The following ALDH8A1 variants were observed in gnomAD, a reference collection of about 807,000 sequenced individuals.
ALDH8A1 encodes aldehyde dehydrogenase 8 family member A1, also known as 2-aminomuconic semialdehyde dehydrogenase.
Under a neutral mutation model 43.3 loss-of-function variants are expected in ALDH8A1, and 39 were observed. The observed-to-expected ratio is 0.90, with a 90% confidence interval of 0.70 to 1.18. The LOEUF (loss-of-function observed/expected upper bound fraction) is 1.18, where lower values mean the gene tolerates loss of function less well. Ranked by LOEUF, ALDH8A1 falls within the 50% of genes most tolerant of loss-of-function variation. ALDH8A1 has a pLI of 0.00. For missense variants in ALDH8A1, 605 were observed against 622.6 expected (o/e 0.97, Z 0.30); for synonymous variants, 233 against 243.5 (o/e 0.96, Z 0.40).
chr6:134,949,680 A>C (rs1375919296), intron 1 of ALDH8A1, among the ~76,000 whole-genome samples: 1 of 152,204 alleles, frequency 6.6e-6, no homozygotes, highest in East Asian at 1.9e-4. Flanking sequence ...AACTGCACAC[A>C]GGGCTGTGTT....
intron 6 of ALDH8A1, among the ~76,000 whole-genome samples, chr6:134,925,766 C>T (rs1348182595): frequency 6.6e-6 from 1 of 152,202 alleles, no homozygotes; most frequent in African/African-American, 2.4e-5. Context: ...AAAAATAAAG[C>T]TCCAAAGAAG....
intron 3 of ALDH8A1, chr6:134,940,088 G>A: frequency 4.1e-6 from 1 of 241,156 alleles, no homozygotes; most frequent in Non-Finnish European, 8.5e-6. Context: ...GAGTCGGGGG[G>A]AAGAGCATTA....
chr6:134,921,737 G>A (rs192127820), intron 6 of ALDH8A1, among the ~76,000 whole-genome samples: 1 of 152,338 alleles, frequency 6.6e-6, no homozygotes, highest in Admixed American at 6.5e-5. Flanking sequence ...CACTGCAGGG[G>A]CAGAGAGTGC....
intron 1 of ALDH8A1, 125 bp downstream of exon 1, chr6:134,949,791 C>A: frequency 2.7e-6 from 3 of 1,111,856 alleles, no homozygotes; most frequent in Non-Finnish European, 3.6e-6. Context: ...GAACTAGAAT[C>A]TTCCTTCTAT....
chr6:134,942,257 C>T, intron 3 of ALDH8A1, 152 bp downstream of exon 3: 1 of 991,552 alleles, frequency 1.0e-6, no homozygotes, highest in Non-Finnish European at 1.4e-6. Flanking sequence ...AGAAAATAAA[C>T]TAGAAATAGA....
At chr6:134,946,020 C>T (rs1177262798) in intron 1 of ALDH8A1, among the ~76,000 whole-genome samples, 3 of 152,212 alleles carry the variant, frequency 2.0e-5, no homozygotes, top group Non-Finnish European at 4.4e-5. Flanking sequence ...ATGCCTGCTT[C>T]CTCTTCAGCC....
At chr6:134,940,928 A>C (rs917200394) in intron 3 of ALDH8A1, among the ~76,000 whole-genome samples, 1 of 152,274 alleles carries the variant, frequency 6.6e-6, no homozygotes, top group Non-Finnish European at 1.5e-5. Context: ...GAAGGTTTCA[A>C]GTAACCAAAG....
intron 4 of ALDH8A1, 98 bp downstream of exon 4, chr6:134,939,168 T>C (rs776682711): frequency 3.9e-5 from 59 of 1,521,624 alleles, no homozygotes; most frequent in Non-Finnish European, 4.5e-5. Context: ...AAGCCCATGA[T>C]GTCACTGGAA....
rs1429398386 is a variant in ALDH8A1, at chr6:134,922,958, T to C, written c.1012-4091A>G. Among the ~76,000 whole-genome samples the C allele has an allele frequency of 4.6e-5, 7 of 152,306 alleles. No homozygotes were observed. In the East Asian group the frequency reaches 1.3e-3, roughly 29 times the overall value. ...GATGCCAACAACAGGAAAAACTGGG[T>C]GAGTGGTTATAAAAACTCTCTGCCT... On this transcript the variant is annotated intron_variant, in intron 6 of 6. Transcript: ENST00000265605.
chr6:134,922,904 G>A (rs73547169), intron 6 of ALDH8A1, among the ~76,000 whole-genome samples: 86 of 152,286 alleles, frequency 5.6e-4, no homozygotes, highest in African/African-American at 2.0e-3. Flanking sequence ...TGGTTTGTTA[G>A]CATGAACAGA....
intron 1 of ALDH8A1, among the ~76,000 whole-genome samples, chr6:134,946,983 T>G (rs1773964984): frequency 6.6e-6 from 1 of 152,192 alleles, no homozygotes; most frequent in Non-Finnish European, 1.5e-5. Flanking sequence ...TAAAATATAC[T>G]ACAAAGCTAT....
At chr6:134,929,475 A>C (rs1451478613) in intron 5 of ALDH8A1, among the ~76,000 whole-genome samples, 1 of 152,236 alleles carries the variant, frequency 6.6e-6, no homozygotes. Flanking sequence ...GAGGATGGGA[A>C]TGGCAACTGA....
intron 6 of ALDH8A1, among the ~76,000 whole-genome samples, 187 bp from the exon 7 acceptor site, chr6:134,919,054 C>A (rs1253627789): frequency 6.6e-6 from 1 of 152,198 alleles, no homozygotes; most frequent in Non-Finnish European, 1.5e-5. Context: ...ATCATTTGGG[C>A]AGTCACCTTT....
intron 2 of ALDH8A1, 105 bp downstream of exon 2, chr6:134,943,714 G>T: frequency 6.7e-7 from 1 of 1,488,960 alleles, no homozygotes; most frequent in South Asian, 1.3e-5. Context: ...TTCTACTATT[G>T]CCAGAGGAGC....
chr6:134,931,484 G>A (rs1030815364), intron 5 of ALDH8A1, among the ~76,000 whole-genome samples: 4 of 144,144 alleles, frequency 2.8e-5, no homozygotes, highest in South Asian at 2.2e-4. Context: ...GGCTGGTCTC[G>A]AGCGCTCCTA....
Position 134,942,567 on chromosome 6 carries a change from G to GT in ALDH8A1, c.287-4dup. 1.2e-6 allele frequency: 2 copies of GT among 1,612,528 alleles called. No individual in the cohort carries two copies. The highest frequency in any genetic ancestry group is 1.7e-6 in the Non-Finnish European group (2 of 1,179,008). ...TCTTGCCAGTGCTAAGGTTTTCCCT[G>GT]TAAGAAGCAAACAACATAAAGCACT... On this transcript the variant is annotated splice_region_variant and splice_polypyrimidine_tract_variant and intron_variant, in intron 2 of 6. Transcript: ENST00000265605.
chr6:134,937,066 A>G (rs527479049), intron 4 of ALDH8A1, among the ~76,000 whole-genome samples: 2 of 151,960 alleles, frequency 1.3e-5, no homozygotes, highest in Non-Finnish European at 2.9e-5. Flanking sequence ...CCACACACAC[A>G]CCTAATGGGA....
chr6:134,949,976 A>G lies in ALDH8A1; in HGVS notation c.78T>C (p.Asp26=), dbSNP rs772263996. 21 of 1,613,026 alleles carry G rather than the reference A, an allele frequency of 1.3e-5. 1 individual carries two copies. Among genetic ancestry groups the G allele is most frequent in the Admixed American group, 6.7e-5 (4 of 59,886 alleles). The change falls in exon 1 of 7, where the codon GAT becomes GAC. Residue 26 remains aspartate (D), a synonymous_variant. Transcript: ENST00000265605. ...CTTCCCCTGTTGATGGGTCGTAAGA[A>G]TCTATATATGAGCTACAAGGTAAAA... is the stretch of plus-strand genomic sequence containing the variant. The part of the protein sequence containing the change: ...GKFLPCSSYI[D]SYDPSTGEVY...
At chr6:134,928,996 T>A (rs528026389) in intron 6 of ALDH8A1, 58 bp downstream of exon 6, 1 of 1,582,078 alleles carries the variant, frequency 6.3e-7, no homozygotes, top group Non-Finnish European at 8.6e-7. Context: ...ATGCCTGTAC[T>A]GAGCTTCTCT....
Sources: gnomAD v4.1 joint callset for allele counts (sites outside exome capture counted in the v4.1 genomes callset) on GRCh38, gnomAD v4.1.1 for gene constraint, MANE v1.5 for transcripts, NCBI Gene and HGNC (gene_info 2026-07-23, HGNC 2026-07-21) for gene names.